The following LDLRAD3 variants were observed in gnomAD, a reference collection of about 807,000 sequenced individuals.
LDLRAD3 encodes the protein low-density lipoprotein receptor class A domain-containing protein 3.
LDLRAD3 carries 20 observed loss-of-function variants against 29.4 expected under a neutral mutation model. The ratio of observed to expected loss-of-function variants is 0.68; its 90% CI spans 0.48 to 0.99. The LOEUF (loss-of-function observed/expected upper bound fraction) is 0.99. Ranked by LOEUF, LDLRAD3 falls within the 50% of genes least tolerant of loss-of-function variation. The pLI, the probability that LDLRAD3 is intolerant of heterozygous loss-of-function variation, is 0.00. For missense variants in LDLRAD3, 420 were observed against 454.3 expected (o/e 0.92, Z 0.69); for synonymous variants, 157 against 192.7 (o/e 0.81, Z 1.53).
chr11:36,066,899 A>G (rs897214181), intron 2 of LDLRAD3, among the ~76,000 whole-genome samples: 2 of 152,206 alleles, frequency 1.3e-5, no homozygotes, highest in African/African-American at 4.8e-5. Context: ...ACTTTCCTTT[A>G]GAAAGATGTC....
At chr11:36,081,918 C>A in intron 3 of LDLRAD3, 140 bp downstream of exon 3, 1 of 1,024,122 alleles carries the variant, frequency 9.8e-7, no homozygotes, top group Non-Finnish European at 1.4e-6. Context: ...TCTGTTCTTC[C>A]CTACTTCTTG....
chr11:36,209,348 CTG>C (rs1855251683), intron 4 of LDLRAD3, among the ~76,000 whole-genome samples: 1 of 134,924 alleles, frequency 7.4e-6, no homozygotes, highest in South Asian at 2.3e-4. Flanking sequence ...TTTGCAGAAA[CTG>C]TACTTTTTTT....
chr11:36,186,221 T>C (rs1161501040), intron 4 of LDLRAD3, among the ~76,000 whole-genome samples: 1 of 152,178 alleles, frequency 6.6e-6, no homozygotes, highest in Non-Finnish European at 1.5e-5. Context: ...GAAATAATGG[T>C]GGTACCTATC....
intron 4 of LDLRAD3, among the ~76,000 whole-genome samples, chr11:36,161,995 G>C (rs1270914457): frequency 2.6e-5 from 4 of 152,216 alleles, no homozygotes. Flanking sequence ...CCCCTAGAGA[G>C]ATCTCTGCAA....
At chr11:36,099,438 C>A (rs1226164684) in intron 4 of LDLRAD3, among the ~76,000 whole-genome samples, 1 of 152,234 alleles carries the variant, frequency 6.6e-6, no homozygotes, top group East Asian at 1.9e-4. Flanking sequence ...TTCCTATTTT[C>A]ACTTAGTATT....
At chr11:36,225,499 G>T (rs1187022105) in intron 4 of LDLRAD3, among the ~76,000 whole-genome samples, 1 of 152,112 alleles carries the variant, frequency 6.6e-6, no homozygotes, top group East Asian at 1.9e-4. Context: ...AACCTGCAGG[G>T]GTGGGATGTG....
At chr11:36,109,240 A>T (rs1853573972) in intron 4 of LDLRAD3, among the ~76,000 whole-genome samples, 1 of 152,084 alleles carries the variant, frequency 6.6e-6, no homozygotes, top group African/African-American at 2.4e-5. Context: ...CGGGGGAAGA[A>T]CAGCCTGCAG....
At chr11:36,133,256 G>C (rs920849425) in intron 4 of LDLRAD3, among the ~76,000 whole-genome samples, 2 of 145,930 alleles carry the variant, frequency 1.4e-5, no homozygotes, top group East Asian at 4.1e-4. Flanking sequence ...GGTTGGTCTC[G>C]AACTCCTGGG....
At chr11:35,983,099 C>A (rs941235695) in intron 1 of LDLRAD3, among the ~76,000 whole-genome samples, 3 of 152,134 alleles carry the variant, frequency 2.0e-5, no homozygotes, top group Admixed American at 2.0e-4. Context: ...AGTGATCTAC[C>A]CGCCTTGGCC....
intron 1 of LDLRAD3, among the ~76,000 whole-genome samples, chr11:36,024,913 C>T (rs1389382364): frequency 2.0e-5 from 3 of 152,238 alleles, no homozygotes; most frequent in East Asian, 1.9e-4. Context: ...AAATATCTGA[C>T]CTACTGGCTA....
At chr11:36,119,084 C>T (rs998392697) in intron 4 of LDLRAD3, among the ~76,000 whole-genome samples, 2 of 151,984 alleles carry the variant, frequency 1.3e-5, no homozygotes, top group Non-Finnish European at 2.9e-5. Context: ...GTAAAATACA[C>T]TAACAATAGC....
At chr11:36,144,527 G>A (rs1261754395) in intron 4 of LDLRAD3, among the ~76,000 whole-genome samples, 12 of 150,076 alleles carry the variant, frequency 8.0e-5, no homozygotes, top group Non-Finnish European at 5.9e-5. Flanking sequence ...TGTGGGGAGC[G>A]CCTCTGCCCT....
intron 4 of LDLRAD3, among the ~76,000 whole-genome samples, chr11:36,117,050 A>G (rs1484135276): frequency 6.6e-6 from 1 of 152,072 alleles, no homozygotes; most frequent in Non-Finnish European, 1.5e-5. Flanking sequence ...CATGTTGGCC[A>G]GGCTGGTCTC....
chr11:36,029,192 C>G (rs894969479), intron 1 of LDLRAD3, among the ~76,000 whole-genome samples: 3 of 152,140 alleles, frequency 2.0e-5, no homozygotes, highest in African/African-American at 7.2e-5. Flanking sequence ...TTGCAGTGAG[C>G]CGAGATCGTG....
chr11:36,174,460 A>G (rs1297467447), intron 4 of LDLRAD3, among the ~76,000 whole-genome samples: 1 of 152,162 alleles, frequency 6.6e-6, no homozygotes, highest in African/African-American at 2.4e-5. Context: ...TTTGCAATCT[A>G]CTCATCTGTC....
At chr11:36,178,090 T>C (rs1565281651) in intron 4 of LDLRAD3, among the ~76,000 whole-genome samples, 1 of 152,218 alleles carries the variant, frequency 6.6e-6, no homozygotes, top group Non-Finnish European at 1.5e-5. Flanking sequence ...TGTGAGTTTC[T>C]ACATGCTGTT....
chr11:36,064,479 A>ATTTT lies in LDLRAD3; in HGVS notation c.194-17156_194-17153dup, dbSNP rs34464861. On this transcript the variant is annotated intron_variant, in intron 2 of 5. Coordinates refer to ENST00000315571, the MANE Select transcript of LDLRAD3 (RefSeq NM_174902.4). Reference sequence around the variant, plus strand: ...GCAGGCCACCACACCTGGCTAATTAATTTTTTTTTTTTTTTTTTTTTGTAG... The same window carrying ATTTT: ...GCAGGCCACCACACCTGGCTAATTAATTTTTTTTTTTTTTTTTTTTTTTTTGTAG... 4.5e-3 allele frequency among the ~76,000 whole-genome samples: 537 copies of ATTTT among 120,554 alleles called. 6 individuals carry two copies. The highest frequency in any genetic ancestry group is 0.016 in the African/African-American group (511 of 32,526). 79.1% of individuals were successfully genotyped at this position (120,554 alleles called of 152,430 possible).
rs1233856932 is a variant in LDLRAD3, at chr11:35,999,252, GTA to G, written c.47-36849_47-36848del. On this transcript the variant is annotated intron_variant, in intron 1 of 5. Coordinates refer to ENST00000315571, the MANE Select transcript of LDLRAD3 (RefSeq NM_174902.4). The stretch of plus-strand genomic sequence containing the variant: ...AACTGGGTGCAGCCTAGAACCGAAT[GTA>G]TGTTATAAAAGAGGTGCAGGAAAGT... Among the ~76,000 whole-genome samples, 7 of 152,316 alleles carry G rather than the reference GTA, an allele frequency of 4.6e-5. No homozygotes were observed. In the East Asian group the frequency reaches 1.3e-3, roughly 29 times the overall value.
intron 2 of LDLRAD3, among the ~76,000 whole-genome samples, chr11:36,070,785 G>T (rs1852887609): frequency 6.6e-6 from 1 of 152,128 alleles, no homozygotes; most frequent in Admixed American, 6.5e-5. Flanking sequence ...TCACTGACTT[G>T]TTCTCTGCAA....
Sources: gnomAD v4.1 joint callset for allele counts (sites outside exome capture counted in the v4.1 genomes callset) on GRCh38, gnomAD v4.1.1 for gene constraint, MANE v1.5 for transcripts, NCBI Gene and HGNC (gene_info 2026-07-23, HGNC 2026-07-21) for gene names.